CCT3: variants seen among roughly 807,000 people sequenced by gnomAD.
CCT3 encodes chaperonin containing TCP1 subunit 3.
In CCT3, 10 loss-of-function variants were observed where a neutral mutation model predicts 65.3. The ratio of observed to expected loss-of-function variants is 0.15; its 90% CI spans 0.09 to 0.26. The LOEUF is 0.26. CCT3 is among the 10% of genes least tolerant of loss of function. The pLI, the probability that CCT3 is intolerant of heterozygous loss-of-function variation, is 1.00. For synonymous variants in CCT3, 225 were observed against 242.3 expected (o/e 0.93, Z 0.66); for missense variants, 626 against 708.7 (o/e 0.88, Z 1.33).
rs577503470 is a variant in CCT3 at position 156,309,079 on chromosome 1, G to A, written c.*120C>T. Reference sequence around the variant, plus strand: ...ACTGAGCTGGGACAGAAAGGGACTGGGGGCTGCCCCCCAACCTGATCCCTT... The same window carrying A: ...ACTGAGCTGGGACAGAAAGGGACTGAGGGCTGCCCCCCAACCTGATCCCTT... On this transcript the variant is annotated 3_prime_UTR_variant, in exon 14 of 14. Coordinates refer to ENST00000295688, the MANE Select transcript of CCT3 (RefSeq NM_005998.5). 9 of 695,084 alleles carry A rather than the reference G, an allele frequency of 1.3e-5. No homozygotes were observed. The highest frequency in any genetic ancestry group is 1.0e-4 in the South Asian group (6 of 60,104). 43.1% of individuals were successfully genotyped at this position (695,084 alleles called of 1,614,324 possible). A position where few individuals can be genotyped will look rare whatever the true frequency, so the allele number is the denominator to read the frequency against.
At position 156,325,051 on chromosome 1, in the gene CCT3, G is replaced by C. The variant is rs754852082; in HGVS notation, c.343C>G (p.Gln115Glu). The change falls in exon 6 of 14, where the codon CAG becomes GAG. Residue 115 changes from glutamine (Q) to glutamate (E), a missense_variant. By Grantham distance (29) the Gln-to-Glu change is conservative. Transcript: ENST00000295688. ...MLSVAEHFLE[Q>E]QMHPTVVISA... is the part of the protein sequence containing the mutation. ...ATCACCACTGTTGGGTGCATCTGCT[G>C]CTCCAGGAAGTGCTCAGCTACAGAC... 24 of 1,613,436 alleles carry C rather than the reference G, an allele frequency of 1.5e-5. No individual in the cohort carries two copies. Among genetic ancestry groups the C allele is most frequent in the Non-Finnish European group, 2.0e-5 (24 of 1,179,850 alleles).
At chr1:156,311,469 A>G (rs2101628378) in intron 11 of CCT3, among the ~76,000 whole-genome samples, 1 of 152,336 alleles carries the variant, frequency 6.6e-6, no homozygotes, top group South Asian at 2.1e-4. Flanking sequence ...CTAGATTAAG[A>G]GCAATAACCT....
At chr1:156,319,877 T>G (rs1258098064) in intron 7 of CCT3, among the ~76,000 whole-genome samples, 2 of 152,206 alleles carry the variant, frequency 1.3e-5, no homozygotes, top group African/African-American at 4.8e-5. Flanking sequence ...GCTTACTATT[T>G]TAATAGCACT....
In CCT3 at chr1:156,334,832, T is replaced by C. The variant is rs771761529; in HGVS notation, c.144+36A>G. On this transcript the variant is annotated intron_variant, in intron 3 of 13. Coordinates refer to ENST00000295688, the MANE Select transcript of CCT3 (RefSeq NM_005998.5). ...GTCCTAGATAACAGGAAGAAAAAAA[T>C]TGTAGCCTAAGAGTTTTAGGAAGAG... 6 of 1,613,670 alleles carry C rather than the reference T, an allele frequency of 3.7e-6. No homozygotes were observed. The South Asian group carries it at 4.4e-5, about 12-fold the overall frequency.
In CCT3 at chr1:156,311,006, G is replaced by A. The variant is rs540072195; in HGVS notation, c.1345C>T (p.Arg449Cys). Residue 449 changes from arginine to cysteine, a missense_variant, in exon 12 of 14, where the codon CGT becomes TGT. Physicochemically the swap from Arg to Cys is radical, Grantham distance 180. Transcript: ENST00000295688. ...AVAQALEVIP[R>C]TLIQNCGAST... ...GCCCCACAGTTCTGGATCAGGGTAC[G>A]AGGAATGACCTCTAGGGCCTGGGCA... The A allele has an allele frequency of 6.8e-6, 11 of 1,614,126 alleles. No individual in the cohort carries two copies. In the African/African-American group the frequency reaches 8.0e-5, roughly 12 times the overall value.
intron 6 of CCT3, among the ~76,000 whole-genome samples, 155 bp downstream of exon 6, chr1:156,324,817 C>T (rs1263848335): frequency 2.6e-5 from 4 of 152,084 alleles, no homozygotes; most frequent in African/African-American, 9.7e-5. Context: ...TTAGTACAGA[C>T]GAGGTTTCAC....
chr1:156,332,501 T>C (rs1210760824), intron 5 of CCT3, among the ~76,000 whole-genome samples: 2 of 152,326 alleles, frequency 1.3e-5, no homozygotes, highest in East Asian at 1.9e-4. Flanking sequence ...TCTTATTATT[T>C]GTAACCCCAA....
chr1:156,338,021 G>T, intron 1 of CCT3, 133 bp downstream of exon 1: 1 of 961,680 alleles, frequency 1.0e-6, no homozygotes, highest in Non-Finnish European at 1.6e-6. Context: ...GGGACACTGG[G>T]CTTCCAAAAT....
intron 1 of CCT3, chr1:156,337,059 C>T: frequency 7.8e-7 from 1 of 1,283,494 alleles, no homozygotes; most frequent in Non-Finnish European, 1.0e-6. Flanking sequence ...ACAGAAGTTA[C>T]ACACAGAATG....
At chr1:156,312,650 C>T (rs369484225) in intron 10 of CCT3, among the ~76,000 whole-genome samples, 1 of 143,450 alleles carries the variant, frequency 7.0e-6, no homozygotes, top group Non-Finnish European at 1.6e-5. Context: ...AGAGTGGGAC[C>T]CTATCTAAAA....
At chr1:156,309,392 TG>T (rs1356559335) in intron 13 of CCT3, 89 bp from the exon 14 acceptor site, 14 of 847,268 alleles carry the variant, frequency 1.7e-5, no homozygotes, top group Non-Finnish European at 2.4e-5. Context: ...GATGCTACTA[TG>T]GAACTGCCAT....
chr1:156,334,931 G>A lies in CCT3; in HGVS notation c.94-13C>T, dbSNP rs758991460. On this transcript the variant is annotated splice_polypyrimidine_tract_variant and intron_variant, in intron 2 of 13. Coordinates refer to ENST00000295688, the MANE Select transcript of CCT3 (RefSeq NM_005998.5). ...TATCTGCAATAGTCTAATGGAAAGG[G>A]AACATAAAATACGCAAGCACAAATC... The A allele has an allele frequency of 6.2e-7, 1 of 1,613,242 alleles. No individual in the cohort carries two copies. Among genetic ancestry groups the A allele is most frequent in the African/African-American group, 1.3e-5 (1 of 74,912 alleles).
intron 10 of CCT3, among the ~76,000 whole-genome samples, chr1:156,313,609 C>G (rs1293804725): frequency 2.0e-5 from 3 of 152,268 alleles, no homozygotes; most frequent in Middle Eastern, 3.4e-3. Context: ...TTACTTCCAT[C>G]GATGCTTTGT....
intron 10 of CCT3, among the ~76,000 whole-genome samples, chr1:156,314,483 G>A (rs1009687807): frequency 4.0e-5 from 6 of 150,504 alleles, no homozygotes; most frequent in Non-Finnish European, 8.9e-5. Flanking sequence ...GGGAGGCTGA[G>A]GTGGGTGGAT....
At position 156,311,189 on chromosome 1, in the gene CCT3, C is replaced by T; in HGVS notation, c.1162G>A (p.Glu388Lys). The T allele has an allele frequency of 6.2e-7, 1 of 1,613,530 alleles. No individual in the cohort carries two copies. The highest frequency in any genetic ancestry group is 8.5e-7 in the Non-Finnish European group (1 of 1,179,752). Residue 388 changes from glutamate (E) to lysine (K), a missense_variant, in exon 12 of 14, where the codon GAA (glutamate) becomes AAA (lysine). Physicochemically the swap from Glu to Lys is moderately conservative, Grantham distance 56. Transcript: ENST00000295688. ...TGCATGGCATCCTGGAGGTTGCGTT[C>T]TACTTCCTTGGAGAAGCAAACAGAC... ...GASKEILSEVERNLQDAMQVC... is the reference protein window; with the variant it reads ...GASKEILSEVKRNLQDAMQVC...
chr1:156,328,859 T>TA (rs1558272012), intron 5 of CCT3, among the ~76,000 whole-genome samples: 2 of 136,188 alleles, frequency 1.5e-5, no homozygotes, highest in Admixed American at 1.5e-4. Flanking sequence ...TCAATAAAAA[T>TA]AAAAATAAAA....
intron 13 of CCT3, 91 bp from the exon 14 acceptor site, chr1:156,309,394 G>T (rs776202179): frequency 6.2e-5 from 52 of 839,212 alleles, no homozygotes; most frequent in Non-Finnish European, 9.9e-5. Flanking sequence ...TGCTACTATG[G>T]AACTGCCATT....
In CCT3 at chr1:156,338,229, C is replaced by T; in HGVS notation, c.-45G>A. The T allele has an allele frequency of 1.3e-6, 2 of 1,562,904 alleles. No homozygotes were observed. The highest frequency in any genetic ancestry group is 1.7e-6 in the Non-Finnish European group (2 of 1,153,242). Reference sequence around the variant, plus strand: ...GGGTACCCAGAGCTGGGGGAACCGGCAGAACCTTCTGGAGAGAGAGAACCA... The same window carrying T: ...GGGTACCCAGAGCTGGGGGAACCGGTAGAACCTTCTGGAGAGAGAGAACCA... On this transcript the variant is annotated 5_prime_UTR_variant, in exon 1 of 14. Coordinates refer to ENST00000295688, the MANE Select transcript of CCT3 (RefSeq NM_005998.5).
chr1:156,309,100 C>G lies in CCT3; in HGVS notation c.*99G>C. On this transcript the variant is annotated 3_prime_UTR_variant, in exon 14 of 14. Transcript: ENST00000295688. ...ACTGGGGGCTGCCCCCCAACCTGATCCCTTCTGAACAAAGACGTCCACAGT... is the reference window on the plus strand; with the variant it reads ...ACTGGGGGCTGCCCCCCAACCTGATGCCTTCTGAACAAAGACGTCCACAGT... 1.2e-6 allele frequency: 1 copy of G among 812,780 alleles called. No homozygotes were observed. The highest frequency in any genetic ancestry group is 1.4e-5 in the South Asian group (1 of 69,720). The allele number at this position is 812,780 out of a possible 1,614,324, so 50.3% of individuals were successfully genotyped here.
Sources: allele counts gnomAD v4.1 joint callset (sites outside exome capture counted in the v4.1 genomes callset), GRCh38; gene constraint gnomAD v4.1.1; transcripts MANE v1.5; gene names NCBI Gene and HGNC (gene_info 2026-07-23, HGNC 2026-07-21).